ARSH: variants seen among roughly 807,000 people sequenced by gnomAD.
The protein encoded by ARSH is arylsulfatase H.
In ARSH, 32 loss-of-function variants were observed where a neutral mutation model predicts 28.7. The observed-to-expected ratio is 1.11, with a 90% CI of 0.84 to 1.50. The LOEUF is 1.50. ARSH is among the 40% of genes most tolerant of loss of function. The pLI is 0.00. For synonymous variants in ARSH, 176 were observed against 177.3 expected (o/e 0.99, Z 0.06); for missense variants, 440 against 452.4 (o/e 0.97, Z 0.25).
chrX:3,006,564 G>A lies in ARSH; in HGVS notation c.-49G>A. The A allele has an allele frequency of 3.8e-6, 4 of 1,061,889 alleles. No individual in the cohort carries two copies. The highest frequency in any genetic ancestry group is 5.2e-6 in the Non-Finnish European group (4 of 767,542). The allele number at this position is 1,061,889 out of a possible 1,213,427, so 87.5% of individuals were successfully genotyped here. ...CTAAAAATGCTTTCAGGAGCTGCTG[G>A]CTGTCAGTGTCCCTGTGCTGTTTGT... On this transcript the variant is annotated 5_prime_UTR_variant, in exon 1 of 9. Transcript: ENST00000381130.
intron 1 of ARSH, among the ~76,000 whole-genome samples, chrX:3,009,427 C>T (rs1192270793): frequency 1.8e-5 from 2 of 110,308 alleles, no homozygotes; most frequent in Non-Finnish European, 3.8e-5. Context: ...GCTGGGATCG[C>T]ACCACTGTAC....
At position 3,023,412 on chromosome X, in the gene ARSH, A is replaced by G. The variant is rs575167600; in HGVS notation, c.902-609A>G. Among the ~76,000 whole-genome samples, 57 of 105,841 alleles carry G rather than the reference A, an allele frequency of 5.4e-4. 1 individual carries two copies. The South Asian group carries it at 0.021, about 39-fold the overall frequency. 91.9% of individuals were successfully genotyped at this position (105,841 alleles called of 115,157 possible). On this transcript the variant is annotated intron_variant, in intron 5 of 8. Coordinates refer to ENST00000381130, the MANE Select transcript of ARSH (RefSeq NM_001011719.2). ...TATGTCAATAAACATATATTTTTAC[A>G]TATTGCATTGATATACAAAATACTA...
rs1040119586 is a variant in ARSH at position 3,008,142 on chromosome X, A to G, written c.92+1438A>G. Among the ~76,000 whole-genome samples the G allele has an allele frequency of 2.7e-5, 3 of 111,995 alleles. No individual in the cohort carries two copies. The Admixed American group carries it at 2.9e-4, about 11-fold the overall frequency. ...AGCGTGATGTTTTCAAGGTTCATTC[A>G]TATTGTAGCATGCGTCAGCACTTCA... On this transcript the variant is annotated intron_variant, in intron 1 of 8. Coordinates refer to ENST00000381130, the MANE Select transcript of ARSH (RefSeq NM_001011719.2).
chrX:3,032,887 T>C (rs1319590589), intron 8 of ARSH, 131 bp from the exon 9 acceptor site: 20 of 628,635 alleles, frequency 3.2e-5, no homozygotes, highest in Non-Finnish European at 4.5e-5. Flanking sequence ...AATGCTACTG[T>C]TGCTGTGTAA....
chrX:3,015,661 T>C (rs916659437), intron 4 of ARSH, among the ~76,000 whole-genome samples: 7 of 110,606 alleles, frequency 6.3e-5, no homozygotes, highest in Non-Finnish European at 1.3e-4. Flanking sequence ...TCCATGGACA[T>C]AAACATGGAA....
Position 3,024,106 on chromosome X carries a change from G to A in ARSH, c.987G>A (p.Glu329=). ...YFTSDNGGHL[E]PLDGAVQLGG... ...CCTCTGACAACGGGGGCCACCTGGA[G>A]CCCCTGGACGGGGCTGTTCAGCTGG... Residue 329 remains glutamate, a synonymous_variant, in exon 6 of 9, where the codon GAG becomes GAA. Transcript: ENST00000381130. 8.3e-7 allele frequency: 1 copy of A among 1,206,670 alleles called. No individual in the cohort carries two copies. Among genetic ancestry groups the A allele is most frequent in the Non-Finnish European group, 1.1e-6 (1 of 893,379 alleles).
At chrX:3,014,306 TA>T (rs1255278222) in intron 3 of ARSH, among the ~76,000 whole-genome samples, 2 of 111,315 alleles carry the variant, frequency 1.8e-5, no homozygotes, top group Non-Finnish European at 3.8e-5. Flanking sequence ...TTATTCATAA[TA>T]AAGGGTCTGG....
At position 3,015,410 on chromosome X, in the gene ARSH, T is replaced by G; in HGVS notation, c.764+17T>G. 2.5e-6 allele frequency: 3 copies of G among 1,193,954 alleles called. No individual in the cohort carries two copies. Among genetic ancestry groups the G allele is most frequent in the Non-Finnish European group, 3.4e-6 (3 of 886,955 alleles). On this transcript the variant is annotated intron_variant, in intron 4 of 8. Transcript: ENST00000381130. Reference sequence around the variant, plus strand: ...CATTGAAAGGTATTTAGCCATTTCTTGCCTGATTTCCTGCATGGAAATTTT... The same window carrying G: ...CATTGAAAGGTATTTAGCCATTTCTGGCCTGATTTCCTGCATGGAAATTTT...
chrX:3,010,704 A>G (rs1216147690), intron 2 of ARSH, among the ~76,000 whole-genome samples: 3 of 112,023 alleles, frequency 2.7e-5, no homozygotes, highest in African/African-American at 3.2e-5. Flanking sequence ...ACAAACATCC[A>G]CTCAAGATCA....
intron 1 of ARSH, among the ~76,000 whole-genome samples, chrX:3,008,693 G>GCT: frequency 9.2e-6 from 1 of 108,924 alleles, no homozygotes; most frequent in South Asian, 4.1e-4. Flanking sequence ...GGGACTATAG[G>GCT]CATGAGCCCC....
chrX:3,008,804 A>G lies in ARSH; in HGVS notation c.93-1226A>G, dbSNP rs142193038. Among the ~76,000 whole-genome samples the G allele has an allele frequency of 6.6e-3, 717 of 108,618 alleles. 4 individuals carry two copies. The highest frequency in any genetic ancestry group is 8.3e-3 in the Non-Finnish European group (437 of 52,369). The allele number at this position is 108,618 out of a possible 115,157, so 94.3% of individuals were successfully genotyped here. ...TTGCCATATTGCCCACCCTGGTCTG[A>G]GCTCAAGTGTTCAGCCCCTCTTGGC... On this transcript the variant is annotated intron_variant, in intron 1 of 8. Transcript: ENST00000381130.
At chrX:3,029,604 C>T (rs1410862979) in intron 8 of ARSH, among the ~76,000 whole-genome samples, 1 of 111,891 alleles carries the variant, frequency 8.9e-6, no homozygotes, top group Non-Finnish European at 1.9e-5. Context: ...AATCTCGGCT[C>T]ACCACAACCT....
Position 3,015,032 on chromosome X carries a change from C to T in ARSH, c.403C>T (p.His135Tyr), listed in dbSNP as rs776223796. Reference protein sequence around the residue: ...RNDHCYHPLNHGFHYFYGVPF... With the variant: ...RNDHCYHPLNYGFHYFYGVPF... ...TGATCACTGTTACCACCCGCTCAAC[C>T]ATGGTTTTCACTACTTTTACGGGGT... Residue 135 changes from histidine (H) to tyrosine (Y), a missense_variant, in exon 4 of 9, where the codon CAT becomes TAT. Physicochemically the swap from His to Tyr is moderately conservative, Grantham distance 83 (BLOSUM62 2). Transcript: ENST00000381130. 1 of 1,211,429 alleles carries T rather than the reference C, an allele frequency of 8.3e-7. No individual in the cohort carries two copies. Among genetic ancestry groups the T allele is most frequent in the Non-Finnish European group, 1.1e-6 (1 of 895,412 alleles).
chrX:3,027,535 C>T, intron 7 of ARSH, 60 bp downstream of exon 7: 2 of 1,081,822 alleles, frequency 1.8e-6, no homozygotes, highest in South Asian at 2.1e-5. Context: ...AGTGGATATA[C>T]TTGATAATTC....
rs755846145 is a variant in ARSH, at chrX:3,015,110, C to T, written c.481C>T (p.Arg161Cys). 3.0e-5 allele frequency: 36 copies of T among 1,207,940 alleles called. No homozygotes were observed. Among genetic ancestry groups the T allele is most frequent in the Non-Finnish European group, 3.7e-5 (33 of 894,300 alleles). ...CQASKTPELH[R>C]WLRIKLWIST... is the part of the protein sequence containing the mutation. ...GGCATCCAAGACACCAGAACTGCAC[C>T]GCTGGCTCAGGATCAAACTGTGGAT... is the stretch of plus-strand genomic sequence containing the variant. The change falls in exon 4 of 9, where the codon CGC becomes TGC. Residue 161 changes from arginine (R) to cysteine (C), a missense_variant. Transcript: ENST00000381130.
intron 5 of ARSH, among the ~76,000 whole-genome samples, chrX:3,019,080 C>A (rs1215224764): frequency 1.8e-5 from 2 of 110,282 alleles, no homozygotes; most frequent in African/African-American, 6.6e-5. Flanking sequence ...GCCTGGCCAA[C>A]ATGGTGAAAC....
At chrX:3,023,243 T>C (rs957445428) in intron 5 of ARSH, among the ~76,000 whole-genome samples, 8 of 104,564 alleles carry the variant, frequency 7.7e-5, no homozygotes, top group African/African-American at 2.7e-4. Flanking sequence ...TAAAATAATA[T>C]AGTATATATT....
Position 3,033,330 on chromosome X carries a change from C to G in ARSH, c.1634C>G (p.Thr545Ser), listed in dbSNP as rs766702626. The G allele has an allele frequency of 8.3e-7, 1 of 1,208,903 alleles. No individual in the cohort carries two copies. The highest frequency in any genetic ancestry group is 1.1e-6 in the Non-Finnish European group (1 of 894,143). The change falls in exon 9 of 9, where the codon ACC becomes AGC. Residue 545 changes from threonine (T) to serine (S), a missense_variant. Thr to Ser is a moderately conservative substitution (Grantham distance 58). Transcript: ENST00000381130. ...WKPWLQPCCG[T>S]FPFCGCDKED... is the part of the protein sequence containing the mutation. ...CCATGGCTGCAGCCTTGCTGTGGGA[C>G]CTTCCCCTTCTGTGGGTGTGACAAG... is the stretch of plus-strand genomic sequence containing the variant.
intron 1 of ARSH, among the ~76,000 whole-genome samples, chrX:3,008,449 T>C (rs910038313): frequency 1.3e-5 from 1 of 75,846 alleles, no homozygotes; most frequent in Admixed American, 1.6e-4. Context: ...CTTCTTCTTA[T>C]TTTCTTTCTT....
Sources: allele counts gnomAD v4.1 joint callset (sites outside exome capture counted in the v4.1 genomes callset), GRCh38; gene constraint gnomAD v4.1.1; transcripts MANE v1.5; gene names NCBI Gene and HGNC (gene_info 2026-07-23, HGNC 2026-07-21).